VCAN: variants seen among roughly 807,000 people sequenced by gnomAD.
The protein encoded by VCAN is versican core protein.
In VCAN, 44 loss-of-function variants were observed where a neutral mutation model predicts 245.5. That is an observed-to-expected ratio of 0.18 (90% confidence interval 0.14 to 0.23). The LOEUF (loss-of-function observed/expected upper bound fraction) is 0.23, where lower values mean the gene tolerates loss of function less well. Ranked by LOEUF, VCAN falls within the 10% of genes least tolerant of loss-of-function variation. VCAN has a pLI of 1.00. For missense variants in VCAN, 3,793 were observed against 4,057.9 expected, an observed-to-expected ratio of 0.93 and a Z score of 1.77; for synonymous variants, 1,413 against 1,437.0, an observed-to-expected ratio of 0.98 and a Z score of 0.38.
chr5:83,540,569 C>T lies in VCAN; in HGVS notation c.7566C>T (p.Asp2522=). ...GGTCCACAGACGGTAGTTTCCAAGA[C>T]CGTTTCAGGGAATTCGAGGATTCCA... ...YERSTDGSFQ[D]RFREFEDSTL... The change falls in exon 8 of 15, where the codon GAC becomes GAT. Residue 2522 remains aspartate (D), a synonymous_variant. Coordinates refer to ENST00000265077, the MANE Select transcript of VCAN (RefSeq NM_004385.5). 1.2e-6 allele frequency: 2 copies of T among 1,613,928 alleles called. No homozygotes were observed. The highest frequency in any genetic ancestry group is 1.7e-6 in the Non-Finnish European group (2 of 1,179,942).
At position 83,580,469 on chromosome 5, in the gene VCAN, C is replaced by T; in HGVS notation, c.*35C>T. On this transcript the variant is annotated 3_prime_UTR_variant, in exon 15 of 15. Coordinates refer to ENST00000265077, the MANE Select transcript of VCAN (RefSeq NM_004385.5). ...TGGCGAACATGTGTTTTCATCATTT[C>T]AGCCAAAGTCCTAACTTCCTGTGCC... 1 of 1,612,486 alleles carries T rather than the reference C, an allele frequency of 6.2e-7. No homozygotes were observed. The highest frequency in any genetic ancestry group is 8.5e-7 in the Non-Finnish European group (1 of 1,179,248).
chr5:83,511,131 TG>T (rs1745639984), intron 5 of VCAN, among the ~76,000 whole-genome samples: 1 of 149,280 alleles, frequency 6.7e-6, no homozygotes, highest in Non-Finnish European at 1.5e-5. Context: ...AGTGGGGTGT[TG>T]GGGGAGTCTT....
In VCAN at chr5:83,537,660, A is replaced by G; in HGVS notation, c.4657A>G (p.Ile1553Val). The G allele has an allele frequency of 1.2e-6, 2 of 1,613,892 alleles. No individual in the cohort carries two copies. Among genetic ancestry groups the G allele is most frequent in the Non-Finnish European group, 8.5e-7 (1 of 1,179,920 alleles). ...FPEESSGEIA[I>V]DQESQKIAFA... ...TGAAGAGTCTTCAGGAGAGATTGCC[A>G]TTGACCAAGAATCTCAGAAAATAGC... The change falls in exon 8 of 15, where the codon ATT (isoleucine) becomes GTT (valine). Residue 1553 changes from isoleucine (I) to valine (V), a missense_variant. By Grantham distance (29) the Ile-to-Val change is conservative. Coordinates refer to ENST00000265077, the MANE Select transcript of VCAN (RefSeq NM_004385.5).
Position 83,572,839 on chromosome 5 carries a change from A to G in VCAN, c.9880+279A>G, listed in dbSNP as rs185792076. Reference sequence around the variant, plus strand: ...CTTTAAGAAGAACAACTGCCAGTCCAAAGGCCAATAGACCTTTTTATTTTT... The same window carrying G: ...CTTTAAGAAGAACAACTGCCAGTCCGAAGGCCAATAGACCTTTTTATTTTT... On this transcript the variant is annotated intron_variant, in intron 13 of 14. Coordinates refer to ENST00000265077, the MANE Select transcript of VCAN (RefSeq NM_004385.5). 1.1e-3 allele frequency among the ~76,000 whole-genome samples: 167 copies of G among 151,720 alleles called. 2 individuals carry two copies. Among genetic ancestry groups the G allele is most frequent in the Non-Finnish European group, 1.0e-4 (7 of 67,938 alleles).
chr5:83,542,088 T>A lies in VCAN; in HGVS notation c.9085T>A (p.Ser3029Thr). ...IRGQDSTIAA[S>T]EQQVAARILD... The stretch of plus-strand genomic sequence containing the variant: ...AGGGCAGGATTCCACGATAGCAGCA[T>A]CAGAACAGCAAGTGGCAGCGAGAAT... The change falls in exon 8 of 15, where the codon TCA (serine) becomes ACA (threonine). Residue 3029 changes from serine (S) to threonine (T), a missense_variant. Around this residue, in one of 5 missense-constraint regions of VCAN, gnomAD observed 3,182 missense variants for 3,250.3 expected, o/e 0.98. Transcript: ENST00000265077. The A allele has an allele frequency of 1.2e-6, 2 of 1,613,954 alleles. No individual in the cohort carries two copies. The highest frequency in any genetic ancestry group is 1.7e-6 in the Non-Finnish European group (2 of 1,179,886).
chr5:83,473,728 CT>C (rs1447191787), intron 1 of VCAN, among the ~76,000 whole-genome samples: 1 of 152,166 alleles, frequency 6.6e-6, no homozygotes, highest in African/African-American at 2.4e-5. Context: ...TGGGCGCCCC[CT>C]GATGGAGAAG....
At chr5:83,522,876 A>G (rs968886008) in intron 7 of VCAN, among the ~76,000 whole-genome samples, 2 of 152,090 alleles carry the variant, frequency 1.3e-5, no homozygotes, top group African/African-American at 2.4e-5. Flanking sequence ...TTCTTATGCT[A>G]TTGTTTTGGG....
At chr5:83,504,881 C>T (rs940469633) in intron 5 of VCAN, among the ~76,000 whole-genome samples, 1 of 152,054 alleles carries the variant, frequency 6.6e-6, no homozygotes, top group African/African-American at 2.4e-5. Context: ...GGGGAGGCCT[C>T]AGAATCGTGG....
At chr5:83,552,349 G>A (rs1373544236) in intron 10 of VCAN, among the ~76,000 whole-genome samples, 1 of 152,170 alleles carries the variant, frequency 6.6e-6, no homozygotes, top group Admixed American at 6.5e-5. Flanking sequence ...GGAAGGTTTT[G>A]TTGGTGCCTG....
At chr5:83,555,139 T>A in intron 12 of VCAN, 101 bp downstream of exon 12, 2 of 1,217,342 alleles carry the variant, frequency 1.6e-6, no homozygotes, top group South Asian at 1.2e-5. Context: ...GGAGGCAAGT[T>A]AAATGACTTG....
intron 10 of VCAN, among the ~76,000 whole-genome samples, chr5:83,551,698 TATAAATC>T (rs1747477777): frequency 6.6e-6 from 1 of 152,136 alleles, no homozygotes; most frequent in Admixed American, 6.5e-5. Flanking sequence ...GTTATGCCAT[TATAAATC>T]ACATTATTTA....
rs750926890 is a variant in VCAN, at chr5:83,538,212, A to G, written c.5209A>G (p.Thr1737Ala). 1.2e-6 allele frequency: 2 copies of G among 1,613,816 alleles called. No individual in the cohort carries two copies. Among genetic ancestry groups the G allele is most frequent in the Admixed American group, 1.7e-5 (1 of 59,976 alleles). ...EEEGTTGTAS[T>A]FEVYSSTQRS... is the part of the protein sequence containing the mutation. ...GGAGGGAACTACAGGTACGGCTTCT[A>G]CATTTGAGGTATATTCATCTACACA... The change falls in exon 8 of 15, where the codon ACA (threonine) becomes GCA (alanine). Residue 1737 changes from threonine (T) to alanine (A), a missense_variant. Coordinates refer to ENST00000265077, the MANE Select transcript of VCAN (RefSeq NM_004385.5).
rs727504214 is a variant in VCAN, at chr5:83,540,068, C to T, written c.7065C>T (p.Ile2355=). 7.7e-5 allele frequency: 125 copies of T among 1,614,054 alleles called. No homozygotes were observed. Among genetic ancestry groups the T allele is most frequent in the Middle Eastern group, 4.9e-4 (3 of 6,062 alleles). Residue 2355 remains isoleucine (I), a synonymous_variant, in exon 8 of 15, where the codon ATC becomes ATT. Transcript: ENST00000265077. ...TVAPLPFSTD[I]GHPQNQTVRW... is the part of the protein sequence containing the mutation. The stretch of plus-strand genomic sequence containing the variant: ...CACCTCTCCCTTTCTCCACGGACAT[C>T]GGACATCCTCAAAATCAGACTGTCA...
chr5:83,481,472 G>A (rs1744613578), intron 1 of VCAN, among the ~76,000 whole-genome samples: 1 of 151,810 alleles, frequency 6.6e-6, no homozygotes, highest in Admixed American at 6.6e-5. Context: ...TATTGTAATA[G>A]CATAGATATA....
chr5:83,510,342 C>T (rs1343930257), intron 5 of VCAN, among the ~76,000 whole-genome samples: 1 of 152,150 alleles, frequency 6.6e-6, no homozygotes, highest in African/African-American at 2.4e-5. Flanking sequence ...TTTTATAGTG[C>T]TATCACCCAC....
chr5:83,551,092 T>G (rs562313403), intron 10 of VCAN, among the ~76,000 whole-genome samples: 1 of 152,128 alleles, frequency 6.6e-6, no homozygotes, highest in African/African-American at 2.4e-5. Context: ...GTGTTCTGAT[T>G]GGAATGTATG....
rs752620870 is a variant in VCAN at position 83,493,937 on chromosome 5, A to G, written c.748+6A>G. ...TTATGTGGATCATCTGGATGGTAAG[A>G]TGTTTGAGTTTCTATATCTTCGTAT... On this transcript the variant is annotated splice_donor_region_variant and intron_variant, in intron 5 of 14. Transcript: ENST00000265077. 2.5e-6 allele frequency: 4 copies of G among 1,614,008 alleles called. No individual in the cohort carries two copies.
At chr5:83,573,860 G>A (rs1430240207) in intron 13 of VCAN, among the ~76,000 whole-genome samples, 1 of 152,094 alleles carries the variant, frequency 6.6e-6, no homozygotes, top group Non-Finnish European at 1.5e-5. Context: ...GGTTACCACC[G>A]CATATTCAGT....
intron 6 of VCAN, 120 bp downstream of exon 6, chr5:83,512,516 A>G (rs1037512040): frequency 1.6e-5 from 20 of 1,266,560 alleles, no homozygotes; most frequent in Non-Finnish European, 2.0e-5. Context: ...CACGGAATGG[A>G]AACAGTTCAG....
Sources: gnomAD v4.1 joint callset for allele counts (sites outside exome capture counted in the v4.1 genomes callset) on GRCh38, gnomAD v4.1.1 for gene constraint, gnomAD v4.1.1 regional missense constraint, MANE v1.5 for transcripts, NCBI Gene and HGNC (gene_info 2026-07-23, HGNC 2026-07-21) for gene names.